The following GRIA4 variants were observed in gnomAD, a reference collection of about 807,000 sequenced individuals.
GRIA4 encodes the protein glutamate ionotropic receptor AMPA type subunit 4, also known as glutamate receptor 4.
A neutral mutation model predicts 104.0 loss-of-function variants in GRIA4; 34 were observed. That is an observed-to-expected ratio of 0.33 (90% CI 0.25 to 0.44). GRIA4 has a LOEUF of 0.44. Ranked by LOEUF, GRIA4 falls within the 20% of genes least tolerant of loss-of-function variation. The pLI, the probability that GRIA4 is intolerant of heterozygous loss-of-function variation, is 1.00. For missense variants in GRIA4, 750 were observed against 1,096.5 expected (o/e 0.68, Z 4.46); for synonymous variants, 386 against 381.9 (o/e 1.01, Z -0.13).
chr11:105,837,018 G>T (rs556761336), intron 4 of GRIA4, among the ~76,000 whole-genome samples: 8 of 152,134 alleles, frequency 5.3e-5, no homozygotes, highest in Non-Finnish European at 1.0e-4. Flanking sequence ...GGCTGGGGAG[G>T]CCTCAGGAAA....
At chr11:105,918,975 C>A in intron 11 of GRIA4, 57 bp downstream of exon 11, 1 of 1,016,144 alleles carries the variant, frequency 9.8e-7, no homozygotes, top group Non-Finnish European at 1.6e-6. Flanking sequence ...CTTCTTTTCC[C>A]TTGGGCACAT....
intron 14 of GRIA4, among the ~76,000 whole-genome samples, chr11:105,936,431 G>C (rs1948037775): frequency 6.6e-6 from 1 of 152,092 alleles, no homozygotes; most frequent in Non-Finnish European, 1.5e-5. Flanking sequence ...TAGGTTAATA[G>C]TTCTGGATGT....
At chr11:105,971,795 A>T in intron 14 of GRIA4, 119 bp from the exon 15 acceptor site, 1 of 614,750 alleles carries the variant, frequency 1.6e-6, no homozygotes, top group Middle Eastern at 4.9e-4. Context: ...CTACAGTACA[A>T]GACATAGCAC....
intron 10 of GRIA4, among the ~76,000 whole-genome samples, chr11:105,918,348 T>G (rs1947468087): frequency 6.6e-6 from 1 of 152,166 alleles, no homozygotes; most frequent in African/African-American, 2.4e-5. Context: ...GACTACTGAA[T>G]AATCTTTAAT....
At chr11:105,862,398 G>A (rs1945258730) in intron 5 of GRIA4, 190 bp downstream of exon 5, 2 of 518,224 alleles carry the variant, frequency 3.9e-6, no homozygotes, top group East Asian at 6.6e-5. Context: ...TGGTTCTTAA[G>A]TCTCAATGTA....
intron 5 of GRIA4, among the ~76,000 whole-genome samples, chr11:105,877,340 A>AT: frequency 6.6e-6 from 1 of 151,940 alleles, no homozygotes; most frequent in Middle Eastern, 3.4e-3. Context: ...TGCCCTTAAC[A>AT]TTTTTTCCTT....
intron 4 of GRIA4, among the ~76,000 whole-genome samples, chr11:105,841,172 A>C (rs566281663): frequency 6.6e-6 from 1 of 152,270 alleles, no homozygotes; most frequent in Admixed American, 6.5e-5. Flanking sequence ...ATCACTGAAA[A>C]AGTCACATAA....
chr11:105,907,820 G>C (rs150817725), intron 9 of GRIA4, among the ~76,000 whole-genome samples: 62 of 152,042 alleles, frequency 4.1e-4, no homozygotes, highest in Non-Finnish European at 7.4e-4. Context: ...TCCTTTTATC[G>C]AAAAGTAAGG....
chr11:105,958,892 A>G (rs1195794767), intron 14 of GRIA4, among the ~76,000 whole-genome samples: 1 of 152,176 alleles, frequency 6.6e-6, no homozygotes, highest in Non-Finnish European at 1.5e-5. Flanking sequence ...TGGATATGAA[A>G]TTCTGGGTTG....
At chr11:105,927,740 A>C (rs942241936) in intron 13 of GRIA4, among the ~76,000 whole-genome samples, 17 of 151,770 alleles carry the variant, frequency 1.1e-4, no homozygotes, top group African/African-American at 3.6e-4. Flanking sequence ...TTTTAAATCC[A>C]GAGCTATACA....
At chr11:105,960,621 A>G (rs583452) in intron 14 of GRIA4, among the ~76,000 whole-genome samples, 108,053 of 151,588 alleles carry the variant, frequency 0.71, 38,507 homozygotes, top group Middle Eastern at 0.78. Flanking sequence ...GAGCTGAAAC[A>G]GCTTCGACAG....
intron 3 of GRIA4, among the ~76,000 whole-genome samples, chr11:105,699,895 C>T (rs1275121183): frequency 1.3e-5 from 2 of 152,146 alleles, no homozygotes; most frequent in Non-Finnish European, 2.9e-5. Context: ...ATCTGGCATA[C>T]TTACTTGTTT....
chr11:105,916,041 G>A (rs967367338), intron 10 of GRIA4, among the ~76,000 whole-genome samples: 6 of 151,406 alleles, frequency 4.0e-5, no homozygotes, highest in African/African-American at 1.2e-4. Context: ...AGAATTAACC[G>A]GGAGTGGTGG....
At chr11:105,610,870 C>CTTTTT (rs55973528) in intron 1 of GRIA4, 38 bp from the exon 2 acceptor site, 2 of 357,396 alleles carry the variant, frequency 5.6e-6, no homozygotes, top group African/African-American at 2.6e-5. Context: ...TCTTTCTTTT[C>CTTTTT]TTTTTTTTTT....
At chr11:105,739,103 T>C (rs1462412913) in intron 3 of GRIA4, among the ~76,000 whole-genome samples, 1 of 152,128 alleles carries the variant, frequency 6.6e-6, no homozygotes, top group East Asian at 1.9e-4. Context: ...TGATGTGATC[T>C]TTGCAGCACC....
At chr11:105,903,753 C>T (rs1946946276) in intron 7 of GRIA4, 61 bp from the exon 8 acceptor site, 1 of 1,158,232 alleles carries the variant, frequency 8.6e-7, no homozygotes, top group Non-Finnish European at 1.3e-6. Context: ...AGACCCCAGA[C>T]CATTTCTGGC....
chr11:105,646,377 G>C (rs1951528100), intron 3 of GRIA4, among the ~76,000 whole-genome samples: 1 of 152,118 alleles, frequency 6.6e-6, no homozygotes, highest in African/African-American at 2.4e-5. Flanking sequence ...AGGATTGCTT[G>C]AGCCCAGGAG....
At chr11:105,837,927 C>T (rs112581350) in intron 4 of GRIA4, among the ~76,000 whole-genome samples, 9 of 152,176 alleles carry the variant, frequency 5.9e-5, no homozygotes, top group African/African-American at 2.2e-4. Flanking sequence ...CCAATACACT[C>T]CTAATGGGAC....
intron 4 of GRIA4, among the ~76,000 whole-genome samples, chr11:105,768,525 C>A (rs927908777): frequency 6.6e-6 from 1 of 152,020 alleles, no homozygotes; most frequent in African/African-American, 2.4e-5. Context: ...TAAAAAAAAT[C>A]TTTCAAAAAA....
Sources: allele counts gnomAD v4.1 joint callset (sites outside exome capture counted in the v4.1 genomes callset), GRCh38; gene constraint gnomAD v4.1.1; transcripts MANE v1.5; gene names NCBI Gene and HGNC (gene_info 2026-07-23, HGNC 2026-07-21).